PRLR: variants seen among roughly 807,000 people sequenced by gnomAD.
PRLR encodes prolactin receptor.
In PRLR, 13 loss-of-function variants were observed where a neutral mutation model predicts 40.2. That is an observed-to-expected ratio of 0.32 (90% CI 0.21 to 0.51). The LOEUF (loss-of-function observed/expected upper bound fraction) is 0.51, where lower values mean the gene tolerates loss of function less well. Ranked by LOEUF, PRLR falls within the 20% of genes least tolerant of loss-of-function variation. The pLI, the probability that PRLR is intolerant of heterozygous loss-of-function variation, is 0.97. For missense variants in PRLR, 656 were observed against 747.3 expected (o/e 0.88, Z 1.42); for synonymous variants, 269 against 278.7 (o/e 0.97, Z 0.35).
intron 1 of PRLR, among the ~76,000 whole-genome samples, chr5:35,122,973 T>G (rs1773340856): frequency 6.6e-6 from 1 of 152,044 alleles, no homozygotes. Flanking sequence ...AATTGGCAAG[T>G]GTTGACTGGG....
intron 1 of PRLR, among the ~76,000 whole-genome samples, chr5:35,149,276 G>A (rs1175920113): frequency 6.6e-6 from 1 of 152,088 alleles, no homozygotes; most frequent in Non-Finnish European, 1.5e-5. Context: ...TTGTGGTTTT[G>A]AGAGCATCTT....
At chr5:35,104,845 CCTGT>C (rs1772126774) in intron 2 of PRLR, among the ~76,000 whole-genome samples, 1 of 152,198 alleles carries the variant, frequency 6.6e-6, no homozygotes, top group Non-Finnish European at 1.5e-5. Context: ...CTTAAATGTA[CCTGT>C]CTGACAGCTT....
At chr5:35,216,082 A>C (rs1776281865) in intron 1 of PRLR, among the ~76,000 whole-genome samples, 1 of 152,032 alleles carries the variant, frequency 6.6e-6, no homozygotes, top group South Asian at 2.1e-4. Flanking sequence ...AATAGAAGTA[A>C]GAACTCTGGA....
chr5:35,192,502 G>A (rs1775634369), intron 1 of PRLR, among the ~76,000 whole-genome samples: 1 of 152,208 alleles, frequency 6.6e-6, no homozygotes, highest in Non-Finnish European at 1.5e-5. Flanking sequence ...CCTAAAAAGG[G>A]TTCTGGAAAG....
intron 1 of PRLR, among the ~76,000 whole-genome samples, chr5:35,207,614 TTGTGTGTG>T (rs142502829): frequency 6.8e-6 from 1 of 146,884 alleles, no homozygotes; most frequent in African/African-American, 2.5e-5. Context: ...CAATGGGAGA[TTGTGTGTG>T]TGTGTGTGTG....
chr5:35,199,952 G>C (rs1421279313), intron 1 of PRLR, among the ~76,000 whole-genome samples: 1 of 152,176 alleles, frequency 6.6e-6, no homozygotes, highest in Non-Finnish European at 1.5e-5. Flanking sequence ...TCTCAATCTT[G>C]TCCCCTCCAA....
At chr5:35,069,099 T>C (rs1174112665) in intron 7 of PRLR, among the ~76,000 whole-genome samples, 1 of 152,232 alleles carries the variant, frequency 6.6e-6, no homozygotes, top group Non-Finnish European at 1.5e-5. Flanking sequence ...TCTAAAAATT[T>C]AAAAATCCTT....
chr5:35,148,318 G>A (rs1294904408), intron 1 of PRLR, among the ~76,000 whole-genome samples: 2 of 152,222 alleles, frequency 1.3e-5, no homozygotes, highest in East Asian at 1.9e-4. Flanking sequence ...GGGAGTATAG[G>A]GTTTTTGAGA....
chr5:35,214,761 C>T (rs1410584267), intron 1 of PRLR, among the ~76,000 whole-genome samples: 4 of 152,224 alleles, frequency 2.6e-5, no homozygotes. Flanking sequence ...CATTCCTATA[C>T]ATAGGCCAAG....
chr5:35,065,035 A>C lies in PRLR; in HGVS notation c.*54T>G. 6.5e-7 allele frequency: 1 copy of C among 1,543,822 alleles called. No homozygotes were observed. Among genetic ancestry groups the C allele is most frequent in the Non-Finnish European group, 8.8e-7 (1 of 1,135,022 alleles). ...TTCTTGAGCATTTCACGTACTCTGT[A>C]GTGTTACCTGAAGAAAAATCACATT... On this transcript the variant is annotated 3_prime_UTR_variant, in exon 10 of 10. Transcript: ENST00000618457.
In PRLR at chr5:35,064,026, C is replaced by A. The variant is rs1489540598; in HGVS notation, c.*1063G>T. 1 of 152,192 alleles carries A rather than the reference C, an allele frequency of 6.6e-6. No individual in the cohort carries two copies. The highest frequency in any genetic ancestry group is 6.5e-5 in the Admixed American group (1 of 15,274). The allele number at this position is 152,192 out of a possible 1,614,324, so 9.4% of individuals were successfully genotyped here. A position where few individuals can be genotyped will look rare whatever the true frequency, so the allele number is the denominator to read the frequency against. On this transcript the variant is annotated 3_prime_UTR_variant, in exon 10 of 10. Transcript: ENST00000618457. ...GGCTTTGGGTTGGTATGGCATTTTA[C>A]TCCACAAACGGGAACTTTATATACT...
intron 6 of PRLR, 82 bp downstream of exon 6, chr5:35,072,493 G>A (rs533660302): frequency 3.8e-5 from 55 of 1,451,604 alleles, no homozygotes; most frequent in Non-Finnish European, 4.9e-5. Flanking sequence ...CAGTAATTAG[G>A]AGGAATGACC....
rs539259613 is a variant in PRLR, at chr5:35,068,170, T to G, written c.855+46A>C. ...TGTGTGAGTGTGTAGAGTTAATTACTACAGAGCAGTGAGTCACACTCCATT... is the reference window on the plus strand; with the variant it reads ...TGTGTGAGTGTGTAGAGTTAATTACGACAGAGCAGTGAGTCACACTCCATT... On this transcript the variant is annotated intron_variant, in intron 9 of 9. Coordinates refer to ENST00000618457, the MANE Select transcript of PRLR (RefSeq NM_000949.7). 3 of 1,501,088 alleles carry G rather than the reference T, an allele frequency of 2.0e-6. No homozygotes were observed. In the Admixed American group the frequency reaches 5.0e-5, roughly 25 times the overall value. The allele number at this position is 1,501,088 out of a possible 1,614,324, so 93.0% of individuals were successfully genotyped here. A position where few individuals can be genotyped will look rare whatever the true frequency, so the allele number is the denominator to read the frequency against.
intron 4 of PRLR, among the ~76,000 whole-genome samples, chr5:35,085,692 T>C (rs143976856): frequency 8.9e-4 from 136 of 152,314 alleles, no homozygotes; most frequent in African/African-American, 3.1e-3. Context: ...ATCCTACTTA[T>C]TTTGCAAAAG....
At chr5:35,120,888 A>G (rs1773266188) in intron 1 of PRLR, among the ~76,000 whole-genome samples, 1 of 152,222 alleles carries the variant, frequency 6.6e-6, no homozygotes, top group Non-Finnish European at 1.5e-5. Flanking sequence ...GTAGGCTGAA[A>G]TGTTCCAAGT....
chr5:35,110,257 T>C (rs920803600), intron 2 of PRLR, among the ~76,000 whole-genome samples: 4 of 152,024 alleles, frequency 2.6e-5, no homozygotes, highest in Non-Finnish European at 5.9e-5. Flanking sequence ...GAGATATACC[T>C]AATGTAAATG....
intron 5 of PRLR, among the ~76,000 whole-genome samples, chr5:35,082,868 T>C (rs1770607544): frequency 6.6e-6 from 1 of 152,190 alleles, no homozygotes; most frequent in African/African-American, 2.4e-5. Context: ...TCCAACATAT[T>C]CTTTCACCAG....
intron 2 of PRLR, 52 bp downstream of exon 2, chr5:35,118,009 G>A: frequency 1.1e-6 from 1 of 906,734 alleles, no homozygotes; most frequent in African/African-American, 1.8e-5. Context: ...GAAACGGACA[G>A]TGGGGCAGAT....
chr5:35,111,889 C>T lies in PRLR; in HGVS notation c.-44+6172G>A, dbSNP rs188566189. Among the ~76,000 whole-genome samples, 47 of 152,260 alleles carry T rather than the reference C, an allele frequency of 3.1e-4. No individual in the cohort carries two copies. In the South Asian group the frequency reaches 4.1e-3, roughly 13 times the overall value. On this transcript the variant is annotated intron_variant, in intron 2 of 9. Coordinates refer to ENST00000618457, the MANE Select transcript of PRLR (RefSeq NM_000949.7). ...ATGATTCTAAAATAAAATGTGATTA[C>T]TTTTGTAATAAAATAAAAAGCTATT...
Sources: gnomAD v4.1 joint callset for allele counts (sites outside exome capture counted in the v4.1 genomes callset) on GRCh38, gnomAD v4.1.1 for gene constraint, MANE v1.5 for transcripts, NCBI Gene and HGNC (gene_info 2026-07-23, HGNC 2026-07-21) for gene names.